The following COL13A1 variants were observed in gnomAD, a reference collection of about 807,000 sequenced individuals.
COL13A1 encodes the protein collagen type XIII alpha 1 chain.
In COL13A1, 89 loss-of-function variants were observed where a neutral mutation model predicts 130.9. The ratio of observed to expected loss-of-function variants is 0.68; its 90% CI spans 0.57 to 0.81. COL13A1 has a LOEUF of 0.81. COL13A1 is among the 30% of genes least tolerant of loss of function. The pLI is 0.00. For missense variants in COL13A1, 879 were observed against 934.6 expected, an observed-to-expected ratio of 0.94 and a Z score of 0.78; for synonymous variants, 402 against 341.6, an observed-to-expected ratio of 1.18 and a Z score of -1.95.
At chr10:69,818,237 C>T (rs938050629) in intron 1 of COL13A1, among the ~76,000 whole-genome samples, 1 of 152,188 alleles carries the variant, frequency 6.6e-6, no homozygotes, top group African/African-American at 2.4e-5. Context: ...CCATCCAGTG[C>T]CCAGTTCCTT....
chr10:69,804,238 G>A (rs1840843501), intron 1 of COL13A1, among the ~76,000 whole-genome samples: 2 of 152,006 alleles, frequency 1.3e-5, no homozygotes, highest in Non-Finnish European at 2.9e-5. Context: ...TATCTCGGGG[G>A]TCCTGGCTGC....
At chr10:69,958,565 C>T in intron 40 of COL13A1, 134 bp from the exon 41 acceptor site, 1 of 1,392,152 alleles carries the variant, frequency 7.2e-7, no homozygotes, top group Non-Finnish European at 9.9e-7. Context: ...CCTAGGGGCT[C>T]AGGGTTCCCA....
intron 1 of COL13A1, among the ~76,000 whole-genome samples, chr10:69,812,301 G>A (rs1049511381): frequency 6.6e-6 from 1 of 150,490 alleles, no homozygotes; most frequent in Non-Finnish European, 1.5e-5. Context: ...CCGATTGCTG[G>A]GTTCAAGACC....
chr10:69,895,449 G>A (rs1294022270), intron 12 of COL13A1, 101 bp from the exon 13 acceptor site: 12 of 1,250,088 alleles, frequency 9.6e-6, no homozygotes, highest in East Asian at 4.6e-5. Context: ...GCTGGTGAGC[G>A]GTGACATGTG....
At chr10:69,910,197 G>T (rs12412836) in intron 17 of COL13A1, among the ~76,000 whole-genome samples, 14,485 of 151,956 alleles carry the variant, frequency 0.095, 898 homozygotes, top group South Asian at 0.21. Flanking sequence ...TCTGCTTGGA[G>T]TAAGGCCTAC....
intron 31 of COL13A1, among the ~76,000 whole-genome samples, 158 bp from the exon 32 acceptor site, chr10:69,935,192 C>A (rs1279822032): frequency 6.6e-6 from 1 of 152,028 alleles, no homozygotes; most frequent in Non-Finnish European, 1.5e-5. Context: ...TTGACCTGTT[C>A]TGAGCCTTTT....
At chr10:69,904,652 T>C (rs1385039511) in intron 15 of COL13A1, among the ~76,000 whole-genome samples, 5 of 152,194 alleles carry the variant, frequency 3.3e-5, no homozygotes, top group Non-Finnish European at 7.3e-5. Flanking sequence ...CAATTTAGCA[T>C]GATGCTGCTG....
At chr10:69,867,904 G>A (rs1341036159) in intron 3 of COL13A1, 99 bp downstream of exon 3, 35 of 708,756 alleles carry the variant, frequency 4.9e-5, no homozygotes, top group Non-Finnish European at 8.9e-5. Flanking sequence ...GGCCCCTGCT[G>A]TCTTGTTGGG....
intron 10 of COL13A1, among the ~76,000 whole-genome samples, chr10:69,893,932 T>G (rs1468609613): frequency 6.6e-6 from 1 of 152,128 alleles, no homozygotes; most frequent in African/African-American, 2.4e-5. Flanking sequence ...TGCGGGGCCC[T>G]CCCCAGACAG....
At chr10:69,823,698 T>C (rs1324702146) in intron 2 of COL13A1, among the ~76,000 whole-genome samples, 10 of 152,134 alleles carry the variant, frequency 6.6e-5, no homozygotes, top group Non-Finnish European at 1.5e-5. Context: ...GATGCTGCCC[T>C]GGGAGACAAG....
rs1840360522 is a variant in COL13A1, at chr10:69,802,717, G to A, written c.294G>A (p.Glu98=). 3.7e-6 allele frequency: 6 copies of A among 1,610,914 alleles called. No homozygotes were observed. The highest frequency in any genetic ancestry group is 5.1e-6 in the Non-Finnish European group (6 of 1,178,718). ...GACGAGTCAATCAACTGCTGGACGA[G>A]GTCTGTGCTCTTTGTTGCTGGCTTT... is the stretch of plus-strand genomic sequence containing the variant. The part of the protein sequence containing the change: ...ILGRVNQLLD[E]KWKLHSRRRR... The change falls in exon 1 of 41, where the codon GAG becomes GAA. Residue 98 remains glutamate, a splice_region_variant and synonymous_variant. Coordinates refer to ENST00000645393, the MANE Select transcript of COL13A1 (RefSeq NM_001368882.1).
At chr10:69,923,981 C>T (rs2065025042) in intron 24 of COL13A1, 126 bp downstream of exon 24, 1 of 1,310,020 alleles carries the variant, frequency 7.6e-7, no homozygotes, top group South Asian at 1.4e-5. Context: ...CACTGGCTTC[C>T]CTAATTCCTG....
At chr10:69,803,362 A>G (rs1840582624) in intron 1 of COL13A1, among the ~76,000 whole-genome samples, 1 of 152,228 alleles carries the variant, frequency 6.6e-6, no homozygotes, top group South Asian at 2.1e-4. Flanking sequence ...CCATTCTCCA[A>G]ATTTTTTTGA....
intron 6 of COL13A1, among the ~76,000 whole-genome samples, chr10:69,879,593 A>G (rs779446699): frequency 1.3e-5 from 2 of 152,220 alleles, no homozygotes; most frequent in Non-Finnish European, 2.9e-5. Context: ...GCCTGCCTGT[A>G]AGGTATGACA....
At chr10:69,902,429 T>TA (rs2062280686) in intron 14 of COL13A1, among the ~76,000 whole-genome samples, 1 of 152,146 alleles carries the variant, frequency 6.6e-6, no homozygotes, top group Non-Finnish European at 1.5e-5. Flanking sequence ...GGAGCAGGCC[T>TA]TTGGTTGGGC....
chr10:69,948,799 G>A (rs2068932597), intron 38 of COL13A1, among the ~76,000 whole-genome samples: 1 of 151,982 alleles, frequency 6.6e-6, no homozygotes, highest in African/African-American at 2.4e-5. Flanking sequence ...GGTGGAGGCA[G>A]GACAAGTACC....
chr10:69,952,800 TTC>T, intron 38 of COL13A1, 80 bp from the exon 39 acceptor site: 3 of 991,232 alleles, frequency 3.0e-6, no homozygotes, highest in Non-Finnish European at 4.4e-6. Context: ...AATTTTATTT[TTC>T]TTTTTCTGTC....
At chr10:69,937,487 A>G (rs1287188280) in intron 33 of COL13A1, 148 bp from the exon 34 acceptor site, 1 of 595,876 alleles carries the variant, frequency 1.7e-6, no homozygotes, top group East Asian at 2.9e-5. Flanking sequence ...TAGGCTAAGA[A>G]TTCAGGGATT....
chr10:69,870,175 G>C (rs1172588852), intron 3 of COL13A1, among the ~76,000 whole-genome samples: 1 of 145,532 alleles, frequency 6.9e-6, no homozygotes, highest in Non-Finnish European at 1.5e-5. Flanking sequence ...TGTGTGTACT[G>C]TATATATATA....
Sources: allele counts gnomAD v4.1 joint callset (sites outside exome capture counted in the v4.1 genomes callset), GRCh38; gene constraint gnomAD v4.1.1; transcripts MANE v1.5; gene names NCBI Gene and HGNC (gene_info 2026-07-23, HGNC 2026-07-21).